Variants in TANGO2 observed in about 807,000 individuals in gnomAD.
TANGO2 encodes transport and Golgi organization protein 2 homolog.
In TANGO2, 26 loss-of-function variants were observed where a neutral mutation model predicts 39.1. The ratio of observed to expected loss-of-function variants is 0.67; its 90% CI spans 0.49 to 0.92. The LOEUF (loss-of-function observed/expected upper bound fraction) is 0.92, where lower values mean the gene tolerates loss of function less well. TANGO2 is among the 40% of genes least tolerant of loss of function. The pLI, the probability that TANGO2 is intolerant of heterozygous loss-of-function variation, is 0.00. For missense variants in TANGO2, 326 were observed against 360.1 expected, an observed-to-expected ratio of 0.91 and a Z score of 0.77; for synonymous variants, 131 against 144.5, an observed-to-expected ratio of 0.91 and a Z score of 0.67.
chr22:20,053,834 G>A (rs2046862374), intron 5 of TANGO2: 2 of 474,580 alleles, frequency 4.2e-6, no homozygotes, highest in Non-Finnish European at 8.3e-6. Context: ...CTCTGGCCGG[G>A]TGTCCTCCCT....
Position 20,067,018 on chromosome 22 carries a change from G to T in TANGO2, c.*2356G>T, listed in dbSNP as rs993193153. 6.6e-6 allele frequency: 1 copy of T among 152,266 alleles called. No homozygotes were observed. The highest frequency in any genetic ancestry group is 2.4e-5 in the African/African-American group (1 of 41,458). 9.4% of individuals were successfully genotyped at this position (152,266 alleles called of 1,614,324 possible). ...CAGTGTCCTGACCCACAGTACCTCA[G>T]AATGTGACTGCATTTGGAGATAGGG... On this transcript the variant is annotated 3_prime_UTR_variant, in exon 9 of 9. Transcript: ENST00000327374.
chr22:20,029,974 C>T (rs976827464), intron 1 of TANGO2, among the ~76,000 whole-genome samples: 5 of 152,248 alleles, frequency 3.3e-5, no homozygotes, highest in East Asian at 1.9e-4. Context: ...ATGAGCCTCA[C>T]GACGCACATC....
intron 7 of TANGO2, among the ~76,000 whole-genome samples, chr22:20,062,026 C>A (rs1033152801): frequency 1.3e-5 from 2 of 152,224 alleles, no homozygotes; most frequent in African/African-American, 4.8e-5. Context: ...AGATTCTAGA[C>A]ACTCAGCAAA....
chr22:20,062,598 A>G (rs1024402037), intron 7 of TANGO2, among the ~76,000 whole-genome samples: 3 of 152,168 alleles, frequency 2.0e-5, no homozygotes, highest in East Asian at 1.9e-4. Flanking sequence ...GCCCCCATCA[A>G]TGTGCCATCT....
At chr22:20,028,987 G>A (rs2041326709) in intron 1 of TANGO2, among the ~76,000 whole-genome samples, 1 of 152,264 alleles carries the variant, frequency 6.6e-6, no homozygotes, top group Admixed American at 6.5e-5. Context: ...CAGGGTGCCA[G>A]ACCTTGTCCC....
At chr22:20,025,897 T>G (rs563417951) in intron 1 of TANGO2, among the ~76,000 whole-genome samples, 2 of 152,290 alleles carry the variant, frequency 1.3e-5, no homozygotes, top group Admixed American at 1.3e-4. Context: ...TGAGAATGCA[T>G]TGAAGCTAGG....
At chr22:20,022,429 GC>G (rs2146638559) in intron 1 of TANGO2, among the ~76,000 whole-genome samples, 1 of 152,252 alleles carries the variant, frequency 6.6e-6, no homozygotes, top group Admixed American at 6.5e-5. Context: ...GTGCCCTGGT[GC>G]CCCCACCCCC....
chr22:20,039,031 C>T (rs973596782), intron 2 of TANGO2, among the ~76,000 whole-genome samples: 18 of 151,746 alleles, frequency 1.2e-4, no homozygotes, highest in African/African-American at 2.7e-4. Context: ...GCCTCAAACT[C>T]GCCGGCTCAA....
At chr22:20,026,911 G>A (rs1007496730) in intron 1 of TANGO2, among the ~76,000 whole-genome samples, 2 of 152,160 alleles carry the variant, frequency 1.3e-5, no homozygotes, top group Non-Finnish European at 2.9e-5. Context: ...TCCACCTCTT[G>A]CGTCTATCCT....
At chr22:20,040,146 C>T (rs2043630107) in intron 2 of TANGO2, among the ~76,000 whole-genome samples, 1 of 152,130 alleles carries the variant, frequency 6.6e-6, no homozygotes, top group Non-Finnish European at 1.5e-5. Context: ...GCTGGCTTGT[C>T]CCTGAATTAT....
rs1277790010 is a variant in TANGO2 at position 20,055,986 on chromosome 22, G to A, written c.424G>A (p.Glu142Lys). The A allele has an allele frequency of 1.1e-5, 17 of 1,614,176 alleles. No individual in the cohort carries two copies. The East Asian group carries it at 3.1e-4, about 30-fold the overall frequency. ...CATTTGCTACTATGGGAACCGAGGG[G>A]AGCCTGATCCTATCGTTTTGACGCC... The part of the protein sequence containing the change: ...DVICYYGNRG[E>K]PDPIVLTPGT... The change falls in exon 6 of 9, where the codon GAG becomes AAG. Residue 142 changes from glutamate (E) to lysine (K), a missense_variant. Transcript: ENST00000327374.
chr22:20,053,628 G>T (rs762928671), intron 5 of TANGO2, 77 bp downstream of exon 5: 2 of 947,612 alleles, frequency 2.1e-6, no homozygotes, highest in Admixed American at 1.8e-5. Context: ...CAGGAAGTGG[G>T]GTTCCACTGG....
At chr22:20,056,140 C>A in intron 6 of TANGO2, 127 bp downstream of exon 6, 1 of 807,382 alleles carries the variant, frequency 1.2e-6, no homozygotes, top group Non-Finnish European at 2.1e-6. Context: ...CATTTAAGTG[C>A]CTTATGGTCT....
chr22:20,059,996 C>A (rs547418101), intron 6 of TANGO2, among the ~76,000 whole-genome samples: 39 of 151,546 alleles, frequency 2.6e-4, no homozygotes, highest in African/African-American at 9.4e-4. Context: ...GGCTCTGTCA[C>A]CCAGGCTGGA....
intron 2 of TANGO2, among the ~76,000 whole-genome samples, chr22:20,038,929 T>A (rs75251822): frequency 4.2e-5 from 6 of 143,856 alleles, no homozygotes; most frequent in Non-Finnish European, 7.4e-5. Flanking sequence ...CACTATGTTT[T>A]TTTTTTTTAT....
chr22:20,019,978 G>A (rs937517578), upstream of TANGO2, among the ~76,000 whole-genome samples: 16 of 152,358 alleles, frequency 1.1e-4, no homozygotes, highest in East Asian at 3.9e-4. Context: ...CAACGGGCCC[G>A]CATGTAGGTC....
chr22:20,018,632 C>T (rs1044723226), upstream of TANGO2, among the ~76,000 whole-genome samples: 2 of 152,226 alleles, frequency 1.3e-5, no homozygotes, highest in African/African-American at 4.8e-5. Flanking sequence ...CTCATCACCA[C>T]CCCTACCACC....
At chr22:20,049,750 T>C (rs1390241015) in intron 3 of TANGO2, among the ~76,000 whole-genome samples, 1 of 152,066 alleles carries the variant, frequency 6.6e-6, no homozygotes, top group Non-Finnish European at 1.5e-5. Flanking sequence ...TTCCTTTGCA[T>C]ATGCATAGAT....
rs576888644 is a variant in TANGO2, at chr22:20,052,629, G to C, written c.265+45G>C. 89 of 1,542,894 alleles carry C rather than the reference G, an allele frequency of 5.8e-5. 4 individuals carry two copies. The Admixed American group carries it at 1.4e-3, about 24-fold the overall frequency. On this transcript the variant is annotated intron_variant, in intron 4 of 8. Transcript: ENST00000327374. ...GCCAAGGTGAGACAGGGTGGGGTGG[G>C]GCAGGCCTAGGTGAGACAAGGTGGG... is the stretch of plus-strand genomic sequence containing the variant.
Sources: gnomAD v4.1 joint callset for allele counts (sites outside exome capture counted in the v4.1 genomes callset) on GRCh38, gnomAD v4.1.1 for gene constraint, MANE v1.5 for transcripts, NCBI Gene and HGNC (gene_info 2026-07-23, HGNC 2026-07-21) for gene names.